The following PTPRM variants were observed in gnomAD, a reference collection of about 807,000 sequenced individuals.
PTPRM encodes the protein receptor-type tyrosine-protein phosphatase mu.
PTPRM carries 47 observed loss-of-function variants against 186.7 expected under a neutral mutation model. The observed-to-expected ratio is 0.25, with a 90% CI of 0.20 to 0.32. PTPRM has a LOEUF of 0.32. PTPRM is among the 10% of genes least tolerant of loss of function. PTPRM has a pLI of 1.00. For missense variants in PTPRM, 1,494 were observed against 1,865.0 expected (o/e 0.80, Z 3.66); for synonymous variants, 668 against 674.9 (o/e 0.99, Z 0.16).
At chr18:7,674,732 G>T (rs561724144) in intron 1 of PTPRM, among the ~76,000 whole-genome samples, 120 of 152,136 alleles carry the variant, frequency 7.9e-4, no homozygotes, top group Non-Finnish European at 1.4e-3. Context: ...TTCTTATTTT[G>T]CCCATAACAT....
chr18:7,588,321 G>A (rs2037033700), intron 1 of PTPRM, among the ~76,000 whole-genome samples: 1 of 152,138 alleles, frequency 6.6e-6, no homozygotes, highest in Admixed American at 6.5e-5. Flanking sequence ...TTAATCAAAT[G>A]GAGGTATGTG....
At chr18:7,926,764 A>C in intron 5 of PTPRM, 81 bp downstream of exon 5, 1 of 960,298 alleles carries the variant, frequency 1.0e-6, no homozygotes, top group Non-Finnish European at 1.5e-6. Flanking sequence ...CCAGAGAAAC[A>C]GACTCAGGTC....
At chr18:8,108,121 G>T (rs1235477151) in intron 11 of PTPRM, among the ~76,000 whole-genome samples, 1 of 152,054 alleles carries the variant, frequency 6.6e-6, no homozygotes, top group Non-Finnish European at 1.5e-5. Flanking sequence ...TTCATGCTTT[G>T]CATGTAATTA....
At chr18:8,087,917 C>T (rs1460546868) in intron 10 of PTPRM, among the ~76,000 whole-genome samples, 2 of 151,978 alleles carry the variant, frequency 1.3e-5, no homozygotes, top group South Asian at 2.1e-4. Flanking sequence ...TTGTCTTGTC[C>T]GTAATTACTG....
chr18:7,723,189 G>A (rs1045338778), intron 1 of PTPRM, among the ~76,000 whole-genome samples: 6 of 98,996 alleles, frequency 6.1e-5, no homozygotes, highest in African/African-American at 3.9e-4. Flanking sequence ...TGAAAGTCTT[G>A]TGGCCTCCTA....
intron 2 of PTPRM, among the ~76,000 whole-genome samples, chr18:7,798,914 T>C (rs952738500): frequency 2.0e-5 from 3 of 152,222 alleles, no homozygotes; most frequent in Non-Finnish European, 4.4e-5. Flanking sequence ...TTCCATTGCT[T>C]AATTTGTCCA....
intron 7 of PTPRM, among the ~76,000 whole-genome samples, chr18:7,983,572 C>G (rs1371421845): frequency 1.3e-5 from 2 of 152,098 alleles, no homozygotes; most frequent in Non-Finnish European, 2.9e-5. Flanking sequence ...TGTGTAAGAC[C>G]TAAATCTTAC....
chr18:7,705,565 T>C (rs1037039501), intron 1 of PTPRM, among the ~76,000 whole-genome samples: 5 of 152,162 alleles, frequency 3.3e-5, no homozygotes, highest in African/African-American at 1.2e-4. Context: ...AGTGTAATTG[T>C]TATTATGTAG....
At chr18:7,910,021 G>A (rs527369682) in intron 4 of PTPRM, among the ~76,000 whole-genome samples, 3 of 152,092 alleles carry the variant, frequency 2.0e-5, no homozygotes, top group African/African-American at 4.8e-5. Context: ...GTTGCCTCCT[G>A]TTCTTAAATA....
chr18:8,315,106 G>A (rs887038822), intron 21 of PTPRM, among the ~76,000 whole-genome samples: 5 of 152,104 alleles, frequency 3.3e-5, no homozygotes, highest in African/African-American at 7.2e-5. Flanking sequence ...GTGAAGACAC[G>A]GTCACTCCTT....
intron 2 of PTPRM, among the ~76,000 whole-genome samples, chr18:7,807,636 T>C (rs534852439): frequency 1.7e-4 from 26 of 152,316 alleles, no homozygotes; most frequent in African/African-American, 6.0e-4. Flanking sequence ...GTTGTTGTCA[T>C]CTAAGTGATT....
At chr18:8,368,271 T>C (rs918666984) in intron 23 of PTPRM, among the ~76,000 whole-genome samples, 2 of 151,764 alleles carry the variant, frequency 1.3e-5, no homozygotes, top group Non-Finnish European at 2.9e-5. Flanking sequence ...AAATCATTGT[T>C]ACTGTCAAAT....
chr18:8,378,176 C>G, intron 26 of PTPRM, 89 bp from the exon 27 acceptor site: 1 of 1,351,334 alleles, frequency 7.4e-7, no homozygotes, highest in South Asian at 1.3e-5. Flanking sequence ...TGTCTCCACT[C>G]TCTTGATGAT....
chr18:7,950,310 G>A (rs796894434), intron 6 of PTPRM, among the ~76,000 whole-genome samples: 50 of 152,268 alleles, frequency 3.3e-4, no homozygotes, highest in African/African-American at 1.2e-3. Flanking sequence ...AGGCTGAGGT[G>A]GGAGGATTAC....
At chr18:8,253,498 C>A in intron 19 of PTPRM, 84 bp downstream of exon 19, 1 of 1,213,738 alleles carries the variant, frequency 8.2e-7, no homozygotes, top group Non-Finnish European at 1.1e-6. Flanking sequence ...AATCAGAAAG[C>A]CAGAGAAAAC....
At chr18:8,092,591 A>G (rs2145395778) in intron 11 of PTPRM, among the ~76,000 whole-genome samples, 2 of 152,178 alleles carry the variant, frequency 1.3e-5, no homozygotes, top group Middle Eastern at 3.4e-3. Flanking sequence ...TTCAAGGAGC[A>G]TATTCACCAA....
chr18:7,812,073 C>A (rs1315988507), intron 2 of PTPRM, among the ~76,000 whole-genome samples: 1 of 152,088 alleles, frequency 6.6e-6, no homozygotes, highest in Non-Finnish European at 1.5e-5. Context: ...TGAATTAAAT[C>A]CCCTTAAATG....
chr18:7,891,144 G>A (rs1242268929), intron 3 of PTPRM, among the ~76,000 whole-genome samples: 1 of 151,650 alleles, frequency 6.6e-6, no homozygotes, highest in Non-Finnish European at 1.5e-5. Flanking sequence ...AAATTAGCAG[G>A]ACATGGTGGC....
chr18:7,670,341 A>G (rs2039192018), intron 1 of PTPRM, among the ~76,000 whole-genome samples: 1 of 152,196 alleles, frequency 6.6e-6, no homozygotes, highest in Admixed American at 6.5e-5. Context: ...TCTCTTTGTT[A>G]TACTTTTTAC....
Sources: allele counts gnomAD v4.1 joint callset (sites outside exome capture counted in the v4.1 genomes callset), GRCh38; gene constraint gnomAD v4.1.1; transcripts MANE v1.5; gene names NCBI Gene and HGNC (gene_info 2026-07-23, HGNC 2026-07-21).